The following FRMPD4 variants were observed in gnomAD, a reference collection of about 807,000 sequenced individuals.
FRMPD4 encodes the protein FERM and PDZ domain containing 4.
FRMPD4 carries 22 observed loss-of-function variants against 94.1 expected under a neutral mutation model. The observed-to-expected ratio is 0.23, with a 90% CI of 0.17 to 0.33. The LOEUF (loss-of-function observed/expected upper bound fraction) is 0.33, where lower values mean the gene tolerates loss of function less well. FRMPD4 is among the 10% of genes least tolerant of loss of function. FRMPD4 has a pLI of 1.00. For missense variants in FRMPD4, 1,111 were observed against 1,339.9 expected, an observed-to-expected ratio of 0.83 and a Z score of 2.67; for synonymous variants, 631 against 548.6, an observed-to-expected ratio of 1.15 and a Z score of -2.10.
intron 3 of FRMPD4, among the ~76,000 whole-genome samples, chrX:12,117,780 C>A: frequency 8.9e-6 from 1 of 112,061 alleles, no homozygotes; most frequent in Non-Finnish European, 1.9e-5. Flanking sequence ...CTCCATGCAA[C>A]TTGTACTACT....
intron 1 of FRMPD4, among the ~76,000 whole-genome samples, chrX:12,460,717 ATTTTT>A (rs937305625): frequency 9.0e-6 from 1 of 111,234 alleles, no homozygotes; most frequent in Non-Finnish European, 1.9e-5. Context: ...TATGTTGGGG[ATTTTT>A]TTTAAGTAAA....
intron 12 of FRMPD4, 22 bp from the exon 13 acceptor site, chrX:12,707,447 G>A: frequency 8.7e-7 from 1 of 1,154,202 alleles, no homozygotes; most frequent in Non-Finnish European, 1.2e-6. Context: ...GTATTTTTAT[G>A]TTGTCAACTT....
At chrX:12,414,076 T>C (rs892613711) in intron 1 of FRMPD4, among the ~76,000 whole-genome samples, 1 of 112,905 alleles carries the variant, frequency 8.9e-6, no homozygotes, top group Admixed American at 9.3e-5. Context: ...TTATATATCT[T>C]GGCTAAATGA....
chrX:11,935,266 TGTG>T (rs2054150518), intron 3 of FRMPD4, among the ~76,000 whole-genome samples: 6 of 10,953 alleles, frequency 5.5e-4, no homozygotes, highest in East Asian at 8.6e-3. Flanking sequence ...TTTTTTTTAA[TGTG>T]TTTTTTTTTT....
chrX:12,195,899 A>G (rs1340697624), intron 1 of FRMPD4, among the ~76,000 whole-genome samples: 1 of 111,701 alleles, frequency 9.0e-6, no homozygotes, highest in African/African-American at 3.3e-5. Context: ...CCATTCATCC[A>G]TGTTTTTCTG....
chrX:12,636,953 G>A (rs1435951064), intron 4 of FRMPD4, among the ~76,000 whole-genome samples: 3 of 111,840 alleles, frequency 2.7e-5, no homozygotes, highest in East Asian at 2.8e-4. Flanking sequence ...GGCTTAACTT[G>A]TATGTTTGTT....
intron 9 of FRMPD4, among the ~76,000 whole-genome samples, chrX:12,698,116 A>T (rs1438939057): frequency 4.5e-5 from 5 of 112,299 alleles, no homozygotes; most frequent in Non-Finnish European, 9.4e-5. Context: ...CAGGAGCAAC[A>T]TGTATCACTT....
At chrX:11,823,918 T>C (rs765405287) in intron 1 of FRMPD4, among the ~76,000 whole-genome samples, 2 of 111,764 alleles carry the variant, frequency 1.8e-5, no homozygotes, top group South Asian at 7.5e-4. Context: ...TAACAACTTA[T>C]GAAAATAATG....
At chrX:12,013,983 A>C (rs1037364660) in intron 3 of FRMPD4, among the ~76,000 whole-genome samples, 4 of 112,759 alleles carry the variant, frequency 3.5e-5, no homozygotes, top group Non-Finnish European at 7.5e-5. Flanking sequence ...CTCAAATCAG[A>C]CATATTATAT....
At chrX:12,389,689 T>C (rs2056449903) in intron 1 of FRMPD4, among the ~76,000 whole-genome samples, 1 of 111,842 alleles carries the variant, frequency 8.9e-6, no homozygotes. Context: ...TTGTAGTGAA[T>C]GTATAGAAGA....
intron 1 of FRMPD4, among the ~76,000 whole-genome samples, chrX:12,390,259 AGAAAAG>A (rs1457281518): frequency 1.8e-5 from 2 of 112,493 alleles, no homozygotes; most frequent in Non-Finnish European, 3.8e-5. Flanking sequence ...AATTTCAAAA[AGAAAAG>A]AAAAATTCTA....
chrX:12,037,073 C>T (rs1404040420), intron 3 of FRMPD4, among the ~76,000 whole-genome samples: 1 of 111,442 alleles, frequency 9.0e-6, no homozygotes, highest in Non-Finnish European at 1.9e-5. Context: ...GTACCTTTGC[C>T]GGGTACTAGA....
At chrX:12,647,128 T>C (rs888481670) in intron 4 of FRMPD4, among the ~76,000 whole-genome samples, 1 of 112,140 alleles carries the variant, frequency 8.9e-6, no homozygotes, top group African/African-American at 3.2e-5. Flanking sequence ...CTGTGACACC[T>C]GGTTCTTCCT....
At chrX:12,144,874 C>T (rs945050454) in intron 1 of FRMPD4, among the ~76,000 whole-genome samples, 5 of 108,788 alleles carry the variant, frequency 4.6e-5, no homozygotes, top group Non-Finnish European at 9.5e-5. Context: ...GCTCAATAAG[C>T]AAAGTTATGA....
At chrX:12,639,072 T>C (rs2059469763) in intron 4 of FRMPD4, among the ~76,000 whole-genome samples, 1 of 111,909 alleles carries the variant, frequency 8.9e-6, no homozygotes, top group Admixed American at 9.5e-5. Context: ...TCCACATGGA[T>C]ACTGTTGGTA....
chrX:11,841,591 G>A (rs1438171489), intron 1 of FRMPD4, among the ~76,000 whole-genome samples: 2 of 110,966 alleles, frequency 1.8e-5, no homozygotes, highest in East Asian at 5.6e-4. Context: ...TTTTGATGGG[G>A]TTGTTTGTTT....
intron 1 of FRMPD4, among the ~76,000 whole-genome samples, chrX:12,472,901 C>G (rs1473867486): frequency 2.8e-5 from 3 of 107,835 alleles, no homozygotes; most frequent in African/African-American, 1.1e-4. Context: ...AGGATATTAT[C>G]CAGGAGAACT....
intron 1 of FRMPD4, among the ~76,000 whole-genome samples, chrX:11,847,702 A>T (rs2053586646): frequency 9.0e-6 from 1 of 110,729 alleles, no homozygotes; most frequent in South Asian, 3.8e-4. Context: ...CTATGTAGCC[A>T]TAAAAAATGA....
intron 1 of FRMPD4, among the ~76,000 whole-genome samples, chrX:12,230,042 A>G (rs931041274): frequency 1.8e-5 from 2 of 111,386 alleles, no homozygotes; most frequent in African/African-American, 6.5e-5. Flanking sequence ...TGTTCACTTT[A>G]TGACTACTGT....
Sources: gnomAD v4.1 joint callset for allele counts (sites outside exome capture counted in the v4.1 genomes callset) on GRCh38, gnomAD v4.1.1 for gene constraint, MANE v1.5 for transcripts, NCBI Gene and HGNC (gene_info 2026-07-23, HGNC 2026-07-21) for gene names.